AKAP7: variants seen among roughly 807,000 people sequenced by gnomAD.
The protein encoded by AKAP7 is A kinase (PRKA) anchor protein 7.
AKAP7 carries 39 observed loss-of-function variants against 39.5 expected under a neutral mutation model. The observed-to-expected ratio is 0.99, with a 90% CI of 0.76 to 1.29. The LOEUF (loss-of-function observed/expected upper bound fraction) is 1.29, where lower values mean the gene tolerates loss of function less well. Ranked by LOEUF, AKAP7 falls within the 50% of genes most tolerant of loss-of-function variation. The pLI is 0.00. For synonymous variants in AKAP7, 140 were observed against 139.1 expected (o/e 1.01, Z -0.05); for missense variants, 414 against 407.7 (o/e 1.02, Z -0.13).
At chr6:131,250,730 A>G (rs1331957526) in intron 7 of AKAP7, 40 of 1,007,432 alleles carry the variant, frequency 4.0e-5, no homozygotes, top group African/African-American at 6.4e-5. Flanking sequence ...CTAATCAGCT[A>G]TGGTTTTTAA....
chr6:131,135,708 G>A lies in AKAP7; in HGVS notation c.-56G>A. On this transcript the variant is annotated 5_prime_UTR_variant, in exon 1 of 8. Coordinates refer to ENST00000431975, the MANE Select transcript of AKAP7 (RefSeq NM_016377.4). ...GGCCTCGCCTCCAGCCCCGGGACGC[G>A]GCCCGCCACCGCCGCTGCCGCCAGC... The A allele has an allele frequency of 1.7e-6, 2 of 1,182,448 alleles. No homozygotes were observed. The highest frequency in any genetic ancestry group is 2.1e-6 in the Non-Finnish European group (2 of 958,522). 73.2% of individuals were successfully genotyped at this position (1,182,448 alleles called of 1,614,324 possible). A position where few individuals can be genotyped will look rare whatever the true frequency, so the allele number is the denominator to read the frequency against.
rs759331216 is a variant in AKAP7, at chr6:131,145,298, C to T, written c.33C>T (p.Ser11=). The change falls in exon 2 of 8, where the codon TCC becomes TCT. Residue 11 remains serine, a synonymous_variant. Coordinates refer to ENST00000431975, the MANE Select transcript of AKAP7 (RefSeq NM_016377.4). MERPEAGGIN[S]NECENVSRKK... Reference sequence around the variant, plus strand: ...GATATGTTAAAGGAGGAATTAATTCCAATGAGTGTGAAAATGTATCAAGAA... The same window carrying T: ...GATATGTTAAAGGAGGAATTAATTCTAATGAGTGTGAAAATGTATCAAGAA... The T allele has an allele frequency of 6.6e-7, 1 of 1,511,180 alleles. No homozygotes were observed. The highest frequency in any genetic ancestry group is 8.9e-7 in the Non-Finnish European group (1 of 1,121,068). 93.6% of individuals were successfully genotyped at this position (1,511,180 alleles called of 1,614,324 possible).
In AKAP7 at chr6:131,228,641, C is replaced by T. The variant is rs946898408; in HGVS notation, c.850+8833C>T. Among the ~76,000 whole-genome samples, 14 of 152,154 alleles carry T rather than the reference C, an allele frequency of 9.2e-5. 1 individual carries two copies. The highest frequency in any genetic ancestry group is 7.2e-4 in the Admixed American group (11 of 15,262). On this transcript the variant is annotated intron_variant, in intron 7 of 7. Transcript: ENST00000431975. Reference sequence around the variant, plus strand: ...ACAGGTGTGAGCCACTGTGCCCGGCCTGGGTTTTAAATTCTTTTAAAATAT... The same window carrying T: ...ACAGGTGTGAGCCACTGTGCCCGGCTTGGGTTTTAAATTCTTTTAAAATAT...
rs77666230 is a variant in AKAP7 at position 131,243,225 on chromosome 6, C to T, written c.850+23417C>T. Reference sequence around the variant, plus strand: ...ATAATGACATTTCTTTATTTTTAAACCAGATGAATCAAGAATTTTTGGTAT... The same window carrying T: ...ATAATGACATTTCTTTATTTTTAAATCAGATGAATCAAGAATTTTTGGTAT... On this transcript the variant is annotated intron_variant, in intron 7 of 7. Transcript: ENST00000431975. 5.5e-3 allele frequency among the ~76,000 whole-genome samples: 841 copies of T among 152,216 alleles called. 11 individuals are homozygous for T. Among genetic ancestry groups the T allele is most frequent in the African/African-American group, 0.019 (794 of 41,514 alleles).
intron 7 of AKAP7, among the ~76,000 whole-genome samples, chr6:131,260,200 A>G (rs1327533951): frequency 6.6e-6 from 1 of 152,042 alleles, no homozygotes; most frequent in Non-Finnish European, 1.5e-5. Context: ...TATCTAGTCT[A>G]TCATTGATGG....
intron 7 of AKAP7, among the ~76,000 whole-genome samples, chr6:131,274,498 T>C (rs9492889): frequency 0.039 from 5,943 of 152,184 alleles, 314 homozygotes; most frequent in East Asian, 0.17. Context: ...TTATCTGTTG[T>C]AAAACCTCCC....
chr6:131,149,320 T>C (rs944998350), intron 2 of AKAP7, among the ~76,000 whole-genome samples: 1 of 152,174 alleles, frequency 6.6e-6, no homozygotes, highest in East Asian at 1.9e-4. Context: ...TCCAAATGCA[T>C]GTACAATGGA....
chr6:131,256,169 G>A (rs907397660), intron 7 of AKAP7, among the ~76,000 whole-genome samples: 5 of 152,176 alleles, frequency 3.3e-5, no homozygotes, highest in Non-Finnish European at 7.3e-5. Context: ...GGTATTGTGT[G>A]TAACCTGAGA....
chr6:131,254,893 C>A (rs1214487991), intron 7 of AKAP7, among the ~76,000 whole-genome samples: 1 of 152,074 alleles, frequency 6.6e-6, no homozygotes, highest in African/African-American at 2.4e-5. Context: ...TTATAGTACT[C>A]ATTTTATAAA....
At position 131,219,719 on chromosome 6, in the gene AKAP7, A is replaced by C; in HGVS notation, c.761A>C (p.Glu254Ala). The C allele has an allele frequency of 6.3e-7, 1 of 1,598,616 alleles. No individual in the cohort carries two copies. Among genetic ancestry groups the C allele is most frequent in the Non-Finnish European group, 8.5e-7 (1 of 1,171,794 alleles). Reference sequence around the variant, plus strand: ...AAGTTTATCAGTCACAGATTTGGAGAAGAAATATTATATCGCATAGATCTT... The same window carrying C: ...AAGTTTATCAGTCACAGATTTGGAGCAGAAATATTATATCGCATAGATCTT... ...YEKFISHRFG[E>A]EILYRIDLCS... The change falls in exon 7 of 8, where the codon GAA becomes GCA. Residue 254 changes from glutamate to alanine, a missense_variant. Physicochemically the swap from Glu to Ala is moderately radical, Grantham distance 107. Transcript: ENST00000431975.
chr6:131,135,859 C>T (rs948713541), intron 1 of AKAP7, 77 bp downstream of exon 1: 1 of 1,215,890 alleles, frequency 8.2e-7, no homozygotes, highest in Non-Finnish European at 1.0e-6. Context: ...TGCGCTCGAA[C>T]TTTGGGAGGG....
chr6:131,145,297 C>T lies in AKAP7; in HGVS notation c.32C>T (p.Ser11Phe). The change falls in exon 2 of 8, where the codon TCC becomes TTC. Residue 11 changes from serine (S) to phenylalanine (F), a missense_variant. Ser to Phe is a radical substitution (Grantham distance 155, BLOSUM62 -2). Transcript: ENST00000431975. MERPEAGGIN[S>F]NECENVSRKK... ...TGATATGTTAAAGGAGGAATTAATT[C>T]CAATGAGTGTGAAAATGTATCAAGA... The T allele has an allele frequency of 6.6e-7, 1 of 1,509,382 alleles. No homozygotes were observed. Among genetic ancestry groups the T allele is most frequent in the Non-Finnish European group, 8.9e-7 (1 of 1,120,100 alleles). The allele number at this position is 1,509,382 out of a possible 1,614,324, so 93.5% of individuals were successfully genotyped here.
chr6:131,244,801 A>G (rs780765958), intron 7 of AKAP7, among the ~76,000 whole-genome samples: 2 of 152,178 alleles, frequency 1.3e-5, no homozygotes, highest in African/African-American at 2.4e-5. Flanking sequence ...TATGCTGTAT[A>G]TGGCATCTTA....
In AKAP7 at chr6:131,248,698, T is replaced by C. The variant is rs3756773; in HGVS notation, c.850+28890T>C. ...ACCACATTCTGTGTCACGTCTCCAGTGTTCAAAATTTGCTGTAGGTTCTGA... is the reference window on the plus strand; with the variant it reads ...ACCACATTCTGTGTCACGTCTCCAGCGTTCAAAATTTGCTGTAGGTTCTGA... On this transcript the variant is annotated intron_variant, in intron 7 of 7. Transcript: ENST00000431975. 0.014 allele frequency among the ~76,000 whole-genome samples: 2,189 copies of C among 152,308 alleles called. 145 individuals are homozygous for C. The East Asian group carries it at 0.17, about 12-fold the overall frequency.
intron 7 of AKAP7, among the ~76,000 whole-genome samples, chr6:131,255,578 G>A (rs2128322312): frequency 6.6e-6 from 1 of 152,266 alleles, no homozygotes; most frequent in South Asian, 2.1e-4. Flanking sequence ...TTCTGCCACT[G>A]CCTGTTAAAA....
intron 6 of AKAP7, among the ~76,000 whole-genome samples, chr6:131,218,694 C>A (rs899611258): frequency 6.6e-6 from 1 of 152,140 alleles, no homozygotes; most frequent in East Asian, 1.9e-4. Flanking sequence ...TGGGGAACTA[C>A]AGAGGTACCA....
At chr6:131,277,485 T>G (rs902008577) in intron 7 of AKAP7, among the ~76,000 whole-genome samples, 2 of 152,218 alleles carry the variant, frequency 1.3e-5, no homozygotes, top group African/African-American at 4.8e-5. Flanking sequence ...CGCCAGCATG[T>G]TGAACTGCCA....
At chr6:131,271,088 T>G (rs1034361223) in intron 7 of AKAP7, among the ~76,000 whole-genome samples, 1 of 152,178 alleles carries the variant, frequency 6.6e-6, no homozygotes, top group Non-Finnish European at 1.5e-5. Context: ...TCAATTTACC[T>G]CTTTTTTTTA....
At position 131,283,081 on chromosome 6, in the gene AKAP7, C is replaced by T. The variant is rs537826473; in HGVS notation, c.*1355C>T. ...TATTGAACAATAGTACTTGAATGAA[C>T]ATTTATAAATGTAATTATTGCGATC... is the stretch of plus-strand genomic sequence containing the variant. On this transcript the variant is annotated 3_prime_UTR_variant, in exon 8 of 8. Coordinates refer to ENST00000431975, the MANE Select transcript of AKAP7 (RefSeq NM_016377.4). The T allele has an allele frequency of 1.3e-5, 2 of 152,846 alleles. No individual in the cohort carries two copies. Among genetic ancestry groups the T allele is most frequent in the Non-Finnish European group, 2.9e-5 (2 of 68,222 alleles). 9.5% of individuals were successfully genotyped at this position (152,846 alleles called of 1,614,324 possible).
Sources: allele counts gnomAD v4.1 joint callset (sites outside exome capture counted in the v4.1 genomes callset), GRCh38; gene constraint gnomAD v4.1.1; transcripts MANE v1.5; gene names NCBI Gene and HGNC (gene_info 2026-07-23, HGNC 2026-07-21).